The following EXTL2 variants were observed in gnomAD, a reference collection of about 807,000 sequenced individuals.
The protein encoded by EXTL2 is exostosin like glycosyltransferase 2, also known as exostosin-like 2.
EXTL2 carries 23 observed loss-of-function variants against 30.7 expected under a neutral mutation model. That is an observed-to-expected ratio of 0.75 (90% CI 0.54 to 1.06). The LOEUF is 1.06. Among genes scored for constraint, EXTL2 ranks in the 50% least tolerant of loss-of-function variants. The pLI is 0.00. For synonymous variants in EXTL2, 123 were observed against 133.8 expected (o/e 0.92, Z 0.56); for missense variants, 352 against 396.3 (o/e 0.89, Z 0.95).
chr1:100,886,334 T>C (rs1649968360), intron 2 of EXTL2, among the ~76,000 whole-genome samples: 1 of 152,220 alleles, frequency 6.6e-6, no homozygotes, highest in Non-Finnish European at 1.5e-5. Flanking sequence ...CATTTAGCAC[T>C]GCAAGCTGTG....
chr1:100,893,814 T>C (rs1650623667), intron 1 of EXTL2, among the ~76,000 whole-genome samples: 2 of 152,168 alleles, frequency 1.3e-5, no homozygotes, highest in African/African-American at 4.8e-5. Flanking sequence ...CTGAAAGATG[T>C]GAAGACATCA....
intron 1 of EXTL2, among the ~76,000 whole-genome samples, chr1:100,894,253 C>A (rs1412735466): frequency 6.6e-6 from 1 of 151,844 alleles, no homozygotes; most frequent in Non-Finnish European, 1.5e-5. Context: ...CTAGTTTGCA[C>A]CCAATTAATT....
Position 100,873,824 on chromosome 1 carries a change from C to T in EXTL2, c.*118G>A. On this transcript the variant is annotated 3_prime_UTR_variant, in exon 5 of 5. Transcript: ENST00000370114. ...TCCTAGAAGCACTGCACTTTTTTTT[C>T]TATTGTAGAGACTTCTGGAGTAGAT... 1.3e-5 allele frequency: 14 copies of T among 1,058,798 alleles called. No homozygotes were observed. The highest frequency in any genetic ancestry group is 1.6e-5 in the Non-Finnish European group (12 of 751,536). 65.6% of individuals were successfully genotyped at this position (1,058,798 alleles called of 1,614,324 possible).
chr1:100,885,722 T>C (rs1413199261), intron 2 of EXTL2: 1 of 152,242 alleles, frequency 6.6e-6, no homozygotes. Flanking sequence ...GGAAGAGTTT[T>C]TGATGTAAGG....
At chr1:100,894,503 T>G (rs1412176338) in intron 1 of EXTL2, 130 bp downstream of exon 1, 1 of 152,180 alleles carries the variant, frequency 6.6e-6, no homozygotes, top group East Asian at 1.9e-4. Flanking sequence ...AAGTACATAT[T>G]TTCAAAAATA....
chr1:100,887,487 G>T (rs1650055278), intron 2 of EXTL2, among the ~76,000 whole-genome samples: 1 of 152,308 alleles, frequency 6.6e-6, no homozygotes, highest in East Asian at 1.9e-4. Flanking sequence ...ACTAATGAAA[G>T]TTGTCAGAGC....
chr1:100,878,856 T>C (rs953323122), intron 2 of EXTL2, among the ~76,000 whole-genome samples: 1 of 151,098 alleles, frequency 6.6e-6, no homozygotes, highest in African/African-American at 2.4e-5. Flanking sequence ...GGCTTGGGGG[T>C]GTATTGCCTG....
Position 100,872,781 on chromosome 1 carries a change from A to AG in EXTL2, c.*1160dup, listed in dbSNP as rs1648796745. 1 of 152,096 alleles carries AG rather than the reference A, an allele frequency of 6.6e-6. No individual in the cohort carries two copies. Among genetic ancestry groups the AG allele is most frequent in the African/African-American group, 2.4e-5 (1 of 41,438 alleles). The allele number at this position is 152,096 out of a possible 1,614,324, so 9.4% of individuals were successfully genotyped here. A position where few individuals can be genotyped will look rare whatever the true frequency, so the allele number is the denominator to read the frequency against. On this transcript the variant is annotated 3_prime_UTR_variant, in exon 5 of 5. Transcript: ENST00000370114. ...GAATTCCTTGCCTTAGTGGTGAACA[A>AG]GGACTAAACACAGACAATGGGTGAA... is the stretch of plus-strand genomic sequence containing the variant.
chr1:100,894,551 C>G (rs975966439), intron 1 of EXTL2, 82 bp downstream of exon 1: 1 of 152,134 alleles, frequency 6.6e-6, no homozygotes, highest in African/African-American at 2.4e-5. Context: ...ACAAAGTTCT[C>G]AGAACGAGAG....
chr1:100,883,272 G>A (rs949575700), intron 2 of EXTL2, among the ~76,000 whole-genome samples: 17 of 152,278 alleles, frequency 1.1e-4, no homozygotes, highest in African/African-American at 3.8e-4. Flanking sequence ...CAGTTCAGTA[G>A]CTTTTAATAT....
intron 4 of EXTL2, among the ~76,000 whole-genome samples, 190 bp downstream of exon 4, chr1:100,876,604 G>T (rs559150077): frequency 6.6e-6 from 1 of 152,040 alleles, no homozygotes; most frequent in South Asian, 2.1e-4. Context: ...CTAGATAAAA[G>T]ATACTATAAC....
At chr1:100,876,507 G>C (rs1190929023) in intron 4 of EXTL2, among the ~76,000 whole-genome samples, 2 of 151,962 alleles carry the variant, frequency 1.3e-5, no homozygotes, top group South Asian at 4.1e-4. Context: ...CCTCATTCTA[G>C]TTTTTGCTGG....
chr1:100,891,298 T>C (rs1650405870), intron 1 of EXTL2, among the ~76,000 whole-genome samples: 1 of 152,212 alleles, frequency 6.6e-6, no homozygotes, highest in Non-Finnish European at 1.5e-5. Context: ...ATTATGACCG[T>C]ATTATTGTTT....
rs1340518404 is a variant in EXTL2 at position 100,877,780 on chromosome 1, A to T, written c.129T>A (p.Val43=). Reference sequence around the variant, plus strand: ...GCAACATGAGCATCTTGTCTTCTTTAACACTGGGAAGTAAGGCAGTCAAAG... The same window carrying T: ...GCAACATGAGCATCTTGTCTTCTTTTACACTGGGAAGTAAGGCAGTCAAAG... ...AGALTALLPS[V]KEDKMLMLRR... The change falls in exon 3 of 5, where the codon GTT becomes GTA. Residue 43 remains valine (V), a synonymous_variant. Coordinates refer to ENST00000370114, the MANE Select transcript of EXTL2 (RefSeq NM_001033025.3). This position sits in a 1 kb window ranked among gnomAD's most constrained non-coding sequence, Gnocchi z 4.1. 3 of 1,612,160 alleles carry T rather than the reference A, an allele frequency of 1.9e-6. No homozygotes were observed. In the Admixed American group the frequency reaches 5.0e-5, roughly 27 times the overall value.
At chr1:100,891,920 C>A (rs185535480) in intron 1 of EXTL2, among the ~76,000 whole-genome samples, 1 of 152,204 alleles carries the variant, frequency 6.6e-6, no homozygotes. Context: ...CAGGAATGGA[C>A]GTTTAGAGGT....
intron 4 of EXTL2, 33 bp from the exon 5 acceptor site, chr1:100,874,463 A>G (rs1648946421): frequency 6.6e-7 from 1 of 1,510,464 alleles, no homozygotes; most frequent in Admixed American, 2.1e-5. Context: ...ATAAAATGTC[A>G]CATATTTTTA....
At chr1:100,884,443 A>G (rs1649807065) in intron 2 of EXTL2, among the ~76,000 whole-genome samples, 2 of 152,214 alleles carry the variant, frequency 1.3e-5, no homozygotes, top group Non-Finnish European at 2.9e-5. Context: ...TGCACGTAAG[A>G]AGATGCAAAA....
intron 1 of EXTL2, among the ~76,000 whole-genome samples, chr1:100,890,723 G>A (rs2100973699): frequency 6.6e-6 from 1 of 152,300 alleles, no homozygotes; most frequent in East Asian, 1.9e-4. Context: ...GACCACATCA[G>A]CCTGGACTTC....
rs1024198186 is a variant in EXTL2, at chr1:100,890,763, C to T, written c.-71-1935G>A. 2.6e-5 allele frequency among the ~76,000 whole-genome samples: 4 copies of T among 152,230 alleles called. No individual in the cohort carries two copies. In the South Asian group the frequency reaches 8.3e-4, roughly 32 times the overall value. On this transcript the variant is annotated intron_variant, in intron 1 of 4. Transcript: ENST00000370114. ...TCCATATCACTATCAGCATTTTGGT[C>T]AAAACCATTCAACAAGTCTCTAGGA...
Sources: allele counts gnomAD v4.1 joint callset (sites outside exome capture counted in the v4.1 genomes callset), GRCh38; gene constraint gnomAD v4.1.1; non-coding constraint Gnocchi (gnomAD v3.1); transcripts MANE v1.5; gene names NCBI Gene and HGNC (gene_info 2026-07-23, HGNC 2026-07-21).